Variants in ADCY1 observed in about 807,000 individuals in gnomAD.
ADCY1 encodes the protein adenylate cyclase 1.
A neutral mutation model predicts 105.4 loss-of-function variants in ADCY1; 28 were observed. The observed-to-expected ratio is 0.27, with a 90% confidence interval of 0.20 to 0.36. The LOEUF is 0.36. Among genes scored for constraint, ADCY1 ranks in the 10% least tolerant of loss-of-function variants. The pLI, the probability that ADCY1 is intolerant of heterozygous loss-of-function variation, is 1.00. For synonymous variants in ADCY1, 655 were observed against 623.8 expected, an observed-to-expected ratio of 1.05 and a Z score of -0.75; for missense variants, 977 against 1,434.2, an observed-to-expected ratio of 0.68 and a Z score of 5.15.
At position 45,660,025 on chromosome 7, in the gene ADCY1, G is replaced by A; in HGVS notation, c.1308-17G>A. ...GTGGTTCCCCACTCATCTGGCCTCT[G>A]CCTCCTCCTTTTGTAGGAAGGTTCA... On this transcript the variant is annotated splice_polypyrimidine_tract_variant and intron_variant, in intron 6 of 19. Coordinates refer to ENST00000297323, the MANE Select transcript of ADCY1 (RefSeq NM_021116.4). The A allele has an allele frequency of 6.2e-7, 1 of 1,613,872 alleles. No homozygotes were observed. The highest frequency in any genetic ancestry group is 1.1e-5 in the South Asian group (1 of 91,012).
chr7:45,579,497 C>T (rs1456050098), intron 1 of ADCY1, among the ~76,000 whole-genome samples: 1 of 152,146 alleles, frequency 6.6e-6, no homozygotes, highest in Non-Finnish European at 1.5e-5. Context: ...TCCTCCACTT[C>T]CCCTCCCACT....
intron 19 of ADCY1, among the ~76,000 whole-genome samples, chr7:45,712,115 A>G (rs1356246315): frequency 7.4e-6 from 1 of 135,962 alleles, no homozygotes; most frequent in Non-Finnish European, 1.5e-5. Context: ...TTATAATTTT[A>G]TAAATTTTTA....
chr7:45,681,452 T>C lies in ADCY1; in HGVS notation c.1983+1659T>C, dbSNP rs539665239. Among the ~76,000 whole-genome samples the C allele has an allele frequency of 3.3e-5, 5 of 152,312 alleles. No individual in the cohort carries two copies. In the East Asian group the frequency reaches 9.7e-4, roughly 29 times the overall value. ...CTGTGAGCAAGCATAGAGCGTTTTT[T>C]CCTAAGTGTGTGGTTTGGAGGTGCT... On this transcript the variant is annotated intron_variant, in intron 11 of 19. Coordinates refer to ENST00000297323, the MANE Select transcript of ADCY1 (RefSeq NM_021116.4).
In ADCY1 at chr7:45,654,180, A is replaced by G. The variant is rs528871501; in HGVS notation, c.1149-3547A>G. ...ATGGCAGGATTCTATCTGAAGCCAC[A>G]TGGTTCTGTGTACCCATAGGAATGT... is the stretch of plus-strand genomic sequence containing the variant. On this transcript the variant is annotated intron_variant, in intron 5 of 19. Transcript: ENST00000297323. 1.8e-4 allele frequency among the ~76,000 whole-genome samples: 28 copies of G among 152,330 alleles called. No homozygotes were observed. The East Asian group carries it at 4.4e-3, about 24-fold the overall frequency.
chr7:45,673,013 A>G (rs1269169909), intron 8 of ADCY1, among the ~76,000 whole-genome samples: 1 of 151,410 alleles, frequency 6.6e-6, no homozygotes, highest in Non-Finnish European at 1.5e-5. Flanking sequence ...AATTTTTATC[A>G]TGAATGGGTA....
intron 4 of ADCY1, among the ~76,000 whole-genome samples, chr7:45,630,347 G>A (rs1001618072): frequency 6.6e-6 from 1 of 152,188 alleles, no homozygotes; most frequent in African/African-American, 2.4e-5. Flanking sequence ...TGCTATAACT[G>A]TGTGTTGGTT....
intron 11 of ADCY1, among the ~76,000 whole-genome samples, chr7:45,682,312 G>T (rs1471553001): frequency 6.6e-6 from 1 of 152,186 alleles, no homozygotes; most frequent in Non-Finnish European, 1.5e-5. Context: ...CTGACCCGAG[G>T]GTCCTGCTGA....
At chr7:45,651,450 AT>A (rs1386244183) in intron 5 of ADCY1, among the ~76,000 whole-genome samples, 1 of 152,188 alleles carries the variant, frequency 6.6e-6, no homozygotes, top group African/African-American at 2.4e-5. Context: ...GACACTTTAT[AT>A]AATGTCTTTC....
intron 10 of ADCY1, 128 bp downstream of exon 10, chr7:45,678,391 T>C: frequency 1.2e-6 from 1 of 849,096 alleles, no homozygotes; most frequent in South Asian, 1.5e-5. Flanking sequence ...CCACAGTTAT[T>C]GTCCCAATGT....
intron 1 of ADCY1, among the ~76,000 whole-genome samples, chr7:45,584,482 C>T (rs1792660100): frequency 6.6e-6 from 1 of 152,252 alleles, no homozygotes; most frequent in South Asian, 2.1e-4. Flanking sequence ...ATGCCTGGGA[C>T]AGAGCCCCCC....
chr7:45,639,911 G>A (rs886293513), intron 4 of ADCY1, among the ~76,000 whole-genome samples: 1 of 152,206 alleles, frequency 6.6e-6, no homozygotes, highest in African/African-American at 2.4e-5. Context: ...GAAAGTCTGT[G>A]CTGACCCCAA....
Position 45,708,313 on chromosome 7 carries a change from C to A in ADCY1, c.2818-37C>A. 1 of 1,524,848 alleles carries A rather than the reference C, an allele frequency of 6.6e-7. No individual in the cohort carries two copies. The highest frequency in any genetic ancestry group is 9.1e-7 in the Non-Finnish European group (1 of 1,101,068). The allele number at this position is 1,524,848 out of a possible 1,614,324, so 94.5% of individuals were successfully genotyped here. A position where few individuals can be genotyped will look rare whatever the true frequency, so the allele number is the denominator to read the frequency against. On this transcript the variant is annotated intron_variant, in intron 17 of 19. Transcript: ENST00000297323. The surrounding 1 kb of genome is among the most constrained non-coding windows in gnomAD (Gnocchi z 4.7). The stretch of plus-strand genomic sequence containing the variant: ...GTCCCTGGCCCCCTCTTGCCTTGCA[C>A]TCCCCAGATGTAATGACCCCATCTG...
chr7:45,688,657 A>G (rs901458462), intron 14 of ADCY1, among the ~76,000 whole-genome samples: 5 of 152,312 alleles, frequency 3.3e-5, no homozygotes, highest in Non-Finnish European at 7.4e-5. Context: ...ACACACACAC[A>G]CTGTCTATAT....
At chr7:45,597,817 G>A (rs1276125293) in intron 2 of ADCY1, among the ~76,000 whole-genome samples, 2 of 152,202 alleles carry the variant, frequency 1.3e-5, no homozygotes, top group Admixed American at 1.3e-4. Flanking sequence ...GGTGGGGATG[G>A]GGGCTTGTCT....
chr7:45,649,979 C>T (rs1479997915), intron 5 of ADCY1, among the ~76,000 whole-genome samples: 2 of 152,118 alleles, frequency 1.3e-5, no homozygotes, highest in African/African-American at 4.8e-5. Flanking sequence ...AGCAGCCTGG[C>T]TGGAGGAGAT....
At chr7:45,651,360 T>C (rs1267215454) in intron 5 of ADCY1, among the ~76,000 whole-genome samples, 3 of 152,178 alleles carry the variant, frequency 2.0e-5, no homozygotes, top group Admixed American at 6.5e-5. Context: ...GCCAGCCACA[T>C]TGGGCTGTGT....
intron 8 of ADCY1, among the ~76,000 whole-genome samples, chr7:45,667,722 G>C (rs1784288063): frequency 6.6e-6 from 1 of 152,210 alleles, no homozygotes; most frequent in Non-Finnish European, 1.5e-5. Flanking sequence ...ACCTTGGGCA[G>C]TATGGCCATT....
intron 8 of ADCY1, among the ~76,000 whole-genome samples, chr7:45,673,980 TATATATATATATATATA>T (rs1463132726): frequency 1.5e-4 from 2 of 13,724 alleles, no homozygotes; most frequent in Non-Finnish European, 8.3e-4. Flanking sequence ...TATATATATA[TATATATATATATATATA>T]TATATATATA....
At chr7:45,645,545 A>G (rs1260020852) in intron 4 of ADCY1, among the ~76,000 whole-genome samples, 2 of 151,972 alleles carry the variant, frequency 1.3e-5, no homozygotes, top group Admixed American at 6.6e-5. Flanking sequence ...ATGCACACTC[A>G]TCCCTTCAGC....
Sources: allele counts gnomAD v4.1 joint callset (sites outside exome capture counted in the v4.1 genomes callset), GRCh38; gene constraint gnomAD v4.1.1; non-coding constraint Gnocchi (gnomAD v3.1); transcripts MANE v1.5; gene names NCBI Gene and HGNC (gene_info 2026-07-23, HGNC 2026-07-21).